Variants in GPC5 observed in about 807,000 individuals in gnomAD.
GPC5 encodes the protein glypican 5.
GPC5 carries 47 observed loss-of-function variants against 53.9 expected under a neutral mutation model. That is an observed-to-expected ratio of 0.87 (90% CI 0.69 to 1.11). The LOEUF (loss-of-function observed/expected upper bound fraction) is 1.11, where lower values mean the gene tolerates loss of function less well. GPC5 is among the 50% of genes most tolerant of loss of function. The probability of loss-of-function intolerance (pLI) is 0.00; values close to 1 mark genes in which losing one functional copy is unlikely to be tolerated. For synonymous variants in GPC5, 286 were observed against 263.3 expected (o/e 1.09, Z -0.84); for missense variants, 748 against 713.1 (o/e 1.05, Z -0.56).
intron 6 of GPC5, among the ~76,000 whole-genome samples, chr13:91,911,033 A>G (rs951506777): frequency 5.3e-5 from 8 of 152,058 alleles, no homozygotes; most frequent in African/African-American, 1.9e-4. Flanking sequence ...TCACAGGAAA[A>G]CCTGTGAGAA....
chr13:91,649,400 A>G (rs2034640816), intron 2 of GPC5, among the ~76,000 whole-genome samples: 1 of 152,180 alleles, frequency 6.6e-6, no homozygotes, highest in African/African-American at 2.4e-5. Flanking sequence ...AATAACTACT[A>G]CACACGTTTC....
At chr13:92,307,928 G>A (rs1331499615) in intron 7 of GPC5, among the ~76,000 whole-genome samples, 2 of 152,174 alleles carry the variant, frequency 1.3e-5, no homozygotes, top group East Asian at 1.9e-4. Flanking sequence ...ATACACCTAA[G>A]TGTATGCCTT....
intron 7 of GPC5, among the ~76,000 whole-genome samples, chr13:92,245,000 T>TG (rs1475350468): frequency 2.6e-4 from 39 of 147,734 alleles, no homozygotes; most frequent in African/African-American, 9.9e-4. Flanking sequence ...ATTGGGCCAC[T>TG]GCACTCCAGT....
intron 7 of GPC5, among the ~76,000 whole-genome samples, chr13:92,295,972 T>C (rs1191381747): frequency 2.6e-5 from 4 of 152,306 alleles, no homozygotes; most frequent in Admixed American, 2.6e-4. Flanking sequence ...GTATGAAATG[T>C]GAGGTACCAT....
At position 92,601,210 on chromosome 13, in the gene GPC5, T is replaced by C. The variant is rs77148322; in HGVS notation, c.1562-265072T>C. Among the ~76,000 whole-genome samples the C allele has an allele frequency of 1.7e-3, 259 of 152,320 alleles. 1 individual carries two copies. Among genetic ancestry groups the C allele is most frequent in the African/African-American group, 6.1e-3 (254 of 41,572 alleles). On this transcript the variant is annotated intron_variant, in intron 7 of 7. Transcript: ENST00000377067. ...TTTATTTCCAATACTAAGCTTATTT[T>C]ATTGTAATACAGTTATTTGTACCAC... is the stretch of plus-strand genomic sequence containing the variant.
chr13:92,310,093 T>A (rs1320638057), intron 7 of GPC5, among the ~76,000 whole-genome samples: 3 of 152,146 alleles, frequency 2.0e-5, no homozygotes, highest in Non-Finnish European at 1.5e-5. Context: ...CCTTCTTTTT[T>A]AAGGCTGAAT....
chr13:92,757,392 A>C (rs1874931608), intron 7 of GPC5, among the ~76,000 whole-genome samples: 1 of 152,254 alleles, frequency 6.6e-6, no homozygotes, highest in Non-Finnish European at 1.5e-5. Flanking sequence ...AAGAAAACCT[A>C]GGCAATACCA....
Position 91,488,898 on chromosome 13 carries a change from G to A in GPC5, c.325+39976G>A, listed in dbSNP as rs374589983. Among the ~76,000 whole-genome samples, 153 of 152,322 alleles carry A rather than the reference G, an allele frequency of 1.0e-3. 1 individual carries two copies. Among genetic ancestry groups the A allele is most frequent in the African/African-American group, 3.6e-3 (151 of 41,576 alleles). ...CAGCAAGGAACATCCCTGAGAAAGA[G>A]AATGTGTCCCTGAGGGGAGGCCTCG... On this transcript the variant is annotated intron_variant, in intron 2 of 7. Coordinates refer to ENST00000377067, the MANE Select transcript of GPC5 (RefSeq NM_004466.6).
At chr13:91,477,264 T>C (rs1882986896) in intron 2 of GPC5, among the ~76,000 whole-genome samples, 1 of 152,050 alleles carries the variant, frequency 6.6e-6, no homozygotes, top group Non-Finnish European at 1.5e-5. Flanking sequence ...AGTGGCAGGA[T>C]TGATGGAGAC....
chr13:91,448,828 T>C lies in GPC5; in HGVS notation c.231T>C (p.Tyr77=), dbSNP rs1379612552. ...GCACCAGGAAGATGGAGGAGAGATA[T>C]CAGATTGCGGCTCGCCAGGATATGC... ...TCCTRKMEER[Y]QIAARQDMQQ... is the part of the protein sequence containing the mutation. Residue 77 remains tyrosine, a synonymous_variant, in exon 2 of 8, where the codon TAT becomes TAC. Coordinates refer to ENST00000377067, the MANE Select transcript of GPC5 (RefSeq NM_004466.6). 12 of 1,613,670 alleles carry C rather than the reference T, an allele frequency of 7.4e-6. No homozygotes were observed. Among genetic ancestry groups the C allele is most frequent in the Middle Eastern group, 1.6e-4 (1 of 6,072 alleles).
intron 7 of GPC5, among the ~76,000 whole-genome samples, chr13:92,257,546 A>ATTTTTTTTTTTTTTTT (rs398023955): frequency 0.015 from 1,118 of 72,864 alleles, 242 homozygotes; most frequent in East Asian, 0.03. Flanking sequence ...TAATACAGGG[A>ATTTTTTTTTTTTTTTT]TTTTTTTTTT....
chr13:91,775,054 G>A (rs968478964), intron 5 of GPC5, among the ~76,000 whole-genome samples: 4 of 152,140 alleles, frequency 2.6e-5, no homozygotes, highest in African/African-American at 4.8e-5. Flanking sequence ...AAACACCAGC[G>A]CATAGGAGAG....
At chr13:92,594,198 G>A (rs775537413) in intron 7 of GPC5, among the ~76,000 whole-genome samples, 28 of 152,248 alleles carry the variant, frequency 1.8e-4, no homozygotes, top group African/African-American at 1.7e-4. Flanking sequence ...TAGATGCCAG[G>A]AGTGTGAAAT....
chr13:92,817,822 A>C (rs940107988), intron 7 of GPC5, among the ~76,000 whole-genome samples: 3 of 151,944 alleles, frequency 2.0e-5, no homozygotes, highest in Admixed American at 6.6e-5. Context: ...ACATTAGTTA[A>C]TCATAAGTCA....
At chr13:91,859,473 A>T (rs576253056) in intron 5 of GPC5, among the ~76,000 whole-genome samples, 26 of 152,188 alleles carry the variant, frequency 1.7e-4, no homozygotes, top group African/African-American at 6.3e-4. Flanking sequence ...ATATTGATAC[A>T]TATAGACATT....
At chr13:91,525,323 A>AT (rs2138619976) in intron 2 of GPC5, among the ~76,000 whole-genome samples, 1 of 152,356 alleles carries the variant, frequency 6.6e-6, no homozygotes, top group African/African-American at 2.4e-5. Flanking sequence ...AAGATCTTAT[A>AT]TGCCTTACTA....
At chr13:92,703,052 A>ATATATATTTATTTATT (rs997997917) in intron 7 of GPC5, among the ~76,000 whole-genome samples, 2 of 145,772 alleles carry the variant, frequency 1.4e-5, no homozygotes, top group African/African-American at 5.1e-5. Context: ...GCATATATAT[A>ATATATATTTATTTATT]TATTTATTTA....
chr13:92,442,096 A>T (rs753587484), intron 7 of GPC5, among the ~76,000 whole-genome samples: 6 of 152,210 alleles, frequency 3.9e-5, no homozygotes, highest in African/African-American at 7.2e-5. Context: ...AAATCTCGAG[A>T]CAAATAAAGA....
chr13:92,017,127 C>T (rs567859799), intron 6 of GPC5, among the ~76,000 whole-genome samples: 12 of 152,134 alleles, frequency 7.9e-5, no homozygotes, highest in Non-Finnish European at 4.4e-5. Context: ...TGTAGGGGCT[C>T]TTTACTCTCT....
Sources: allele counts gnomAD v4.1 joint callset (sites outside exome capture counted in the v4.1 genomes callset), GRCh38; gene constraint gnomAD v4.1.1; transcripts MANE v1.5; gene names NCBI Gene and HGNC (gene_info 2026-07-23, HGNC 2026-07-21).